ENOX1: variants seen among roughly 807,000 people sequenced by gnomAD.
ENOX1 encodes candidate growth-related and time keeping constitutive hydroquinone (NADH) oxidase.
ENOX1 carries 42 observed loss-of-function variants against 82.5 expected under a neutral mutation model. That is an observed-to-expected ratio of 0.51 (90% CI 0.40 to 0.66). The LOEUF (loss-of-function observed/expected upper bound fraction) is 0.66. Ranked by LOEUF, ENOX1 falls within the 30% of genes least tolerant of loss-of-function variation. The pLI, the probability that ENOX1 is intolerant of heterozygous loss-of-function variation, is 0.00. For missense variants in ENOX1, 608 were observed against 811.6 expected (o/e 0.75, Z 3.05); for synonymous variants, 271 against 282.2 (o/e 0.96, Z 0.40).
At chr13:43,418,343 C>G (rs1026006000) in intron 3 of ENOX1, among the ~76,000 whole-genome samples, 1 of 152,098 alleles carries the variant, frequency 6.6e-6, no homozygotes, top group Non-Finnish European at 1.5e-5. Context: ...GCCTGGCCAA[C>G]GTGGTGAAAC....
chr13:43,687,811 C>T (rs781769530), intron 1 of ENOX1, among the ~76,000 whole-genome samples: 3 of 152,056 alleles, frequency 2.0e-5, no homozygotes, highest in Non-Finnish European at 4.4e-5. Flanking sequence ...ACAGATGAAG[C>T]ACAGGGTGCT....
intron 3 of ENOX1, among the ~76,000 whole-genome samples, chr13:43,415,759 C>T (rs532865348): frequency 9.0e-4 from 137 of 152,044 alleles, no homozygotes; most frequent in South Asian, 4.0e-3. Context: ...TGGTCGCTAT[C>T]TCTTCGGAGC....
At chr13:43,607,001 C>G (rs1192063818) in intron 2 of ENOX1, among the ~76,000 whole-genome samples, 2 of 152,010 alleles carry the variant, frequency 1.3e-5, no homozygotes, top group South Asian at 2.1e-4. Context: ...GAGCGAGACC[C>G]TGTCTCAAAA....
chr13:43,289,884 C>A (rs1328879865), intron 12 of ENOX1, among the ~76,000 whole-genome samples: 1 of 151,970 alleles, frequency 6.6e-6, no homozygotes, highest in Non-Finnish European at 1.5e-5. Flanking sequence ...CAAGCAAAAG[C>A]CAAATAACCC....
chr13:43,255,674 T>C (rs1005347803), intron 14 of ENOX1, among the ~76,000 whole-genome samples: 1 of 151,892 alleles, frequency 6.6e-6, no homozygotes, highest in Non-Finnish European at 1.5e-5. Context: ...TCATTTACAA[T>C]AGCTAAAAAA....
chr13:43,268,689 T>C lies in ENOX1; in HGVS notation c.1554+781A>G, dbSNP rs139929558. Among the ~76,000 whole-genome samples, 192 of 152,326 alleles carry C rather than the reference T, an allele frequency of 1.3e-3. 4 individuals carry two copies. Among genetic ancestry groups the C allele is most frequent in the Middle Eastern group, 6.8e-3 (2 of 294 alleles). On this transcript the variant is annotated intron_variant, in intron 13 of 16. Transcript: ENST00000690772. ...TTATACAATATAAAACGATTATGTG[T>C]ATGAAAAATTTAAAACAATCTGCAT...
At chr13:43,756,182 C>T (rs1950628768) in intron 1 of ENOX1, among the ~76,000 whole-genome samples, 1 of 151,998 alleles carries the variant, frequency 6.6e-6, no homozygotes, top group Admixed American at 6.6e-5. Flanking sequence ...AATCCCAGCA[C>T]TTGGGAGGCC....
chr13:43,631,762 CATT>C (rs1195095519), intron 2 of ENOX1, among the ~76,000 whole-genome samples: 2 of 152,130 alleles, frequency 1.3e-5, no homozygotes, highest in South Asian at 4.2e-4. Context: ...TGTTTTACCA[CATT>C]ATCTGATCGT....
Position 43,355,868 on chromosome 13 carries a change from G to A in ENOX1, c.823+51C>T, listed in dbSNP as rs376312526. 3.0e-5 allele frequency: 46 copies of A among 1,528,370 alleles called. No individual in the cohort carries two copies. The African/African-American group carries it at 4.1e-4, about 14-fold the overall frequency. The allele number at this position is 1,528,370 out of a possible 1,614,324, so 94.7% of individuals were successfully genotyped here. On this transcript the variant is annotated intron_variant, in intron 8 of 16. Transcript: ENST00000690772. ...ACGCAGGAGAAACGCACAGGGTTCC[G>A]TGTCTGGGGATCCCTGTGGAGGAAG...
chr13:43,398,273 T>G (rs1349558013), intron 5 of ENOX1, among the ~76,000 whole-genome samples: 1 of 152,156 alleles, frequency 6.6e-6, no homozygotes, highest in Non-Finnish European at 1.5e-5. Flanking sequence ...TATTTAAAAA[T>G]TTTTCAGTTT....
chr13:43,218,601 G>C (rs2041615667), intron 16 of ENOX1, among the ~76,000 whole-genome samples: 1 of 152,174 alleles, frequency 6.6e-6, no homozygotes, highest in Non-Finnish European at 1.5e-5. Context: ...ACTCCAGCTT[G>C]GGTGACAGAG....
At position 43,681,686 on chromosome 13, in the gene ENOX1, AACACACACACACACACACAC is replaced by A. The variant is rs3044219; in HGVS notation, c.-284-14162_-284-14143del. ...ATTCCCACTTGGGCCATAATGCATAAACACACACACACACACACACACACACACACACACACACACACACA... is the reference window on the plus strand; with the variant it reads ...ATTCCCACTTGGGCCATAATGCATAAACACACACACACACACACACACACA... On this transcript the variant is annotated intron_variant, in intron 1 of 16. Coordinates refer to ENST00000690772, the MANE Select transcript of ENOX1 (RefSeq NM_001347969.2). Among the ~76,000 whole-genome samples, 12 of 135,344 alleles carry A rather than the reference AACACACACACACACACACAC, an allele frequency of 8.9e-5. 1 individual carries two copies. In the South Asian group the frequency reaches 1.6e-3, roughly 18 times the overall value. The allele number at this position is 135,344 out of a possible 152,430, so 88.8% of individuals were successfully genotyped here.
At chr13:43,400,104 G>A (rs1176046305) in intron 5 of ENOX1, among the ~76,000 whole-genome samples, 1 of 152,146 alleles carries the variant, frequency 6.6e-6, no homozygotes, top group African/African-American at 2.4e-5. Flanking sequence ...AACCCACAGA[G>A]AACTTCCTTC....
At chr13:43,713,161 T>C (rs2087854650) in intron 1 of ENOX1, among the ~76,000 whole-genome samples, 2 of 152,194 alleles carry the variant, frequency 1.3e-5, no homozygotes, top group African/African-American at 4.8e-5. Context: ...TCTGCATCTA[T>C]TGAGATAATT....
chr13:43,633,688 A>ATGTG (rs59390732), intron 2 of ENOX1, among the ~76,000 whole-genome samples: 3,568 of 150,144 alleles, frequency 0.024, 126 homozygotes, highest in African/African-American at 0.076. Flanking sequence ...AAATGTGTGT[A>ATGTG]TGTGTGTGTG....
chr13:43,332,310 TC>T (rs971644451), intron 9 of ENOX1, among the ~76,000 whole-genome samples: 5 of 152,086 alleles, frequency 3.3e-5, no homozygotes, highest in African/African-American at 9.7e-5. Flanking sequence ...GCAACCTAGA[TC>T]CCTTGCATGC....
chr13:43,502,522 G>A (rs1410299434), intron 2 of ENOX1, among the ~76,000 whole-genome samples: 1 of 151,584 alleles, frequency 6.6e-6, no homozygotes, highest in East Asian at 1.9e-4. Context: ...GAGCAAATGG[G>A]ATTTATTCCT....
At chr13:43,362,886 A>C (rs1301975044) in intron 5 of ENOX1, among the ~76,000 whole-genome samples, 1 of 152,114 alleles carries the variant, frequency 6.6e-6, no homozygotes, top group Non-Finnish European at 1.5e-5. Context: ...TTAATTTCAT[A>C]GTGTATCAGT....
intron 9 of ENOX1, among the ~76,000 whole-genome samples, chr13:43,332,666 C>T (rs545127414): frequency 6.6e-6 from 1 of 152,246 alleles, no homozygotes; most frequent in Admixed American, 6.5e-5. Context: ...TCCAAGTATA[C>T]TCCAGGGAAT....
Sources: allele counts gnomAD v4.1 joint callset (sites outside exome capture counted in the v4.1 genomes callset), GRCh38; gene constraint gnomAD v4.1.1; transcripts MANE v1.5; gene names NCBI Gene and HGNC (gene_info 2026-07-23, HGNC 2026-07-21).